The following MEP1A variants were observed in gnomAD, a reference collection of about 807,000 sequenced individuals.
The protein encoded by MEP1A is N-benzoyl-L-tyrosyl-P-amino-benzoic acid hydrolase subunit alpha.
Under a neutral mutation model 84.5 loss-of-function variants are expected in MEP1A, and 68 were observed. That is an observed-to-expected ratio of 0.80 (90% CI 0.66 to 0.98). The LOEUF (loss-of-function observed/expected upper bound fraction) is 0.98, where lower values mean the gene tolerates loss of function less well. Ranked by LOEUF, MEP1A falls within the 50% of genes least tolerant of loss-of-function variation. The probability of loss-of-function intolerance (pLI) is 0.00; values close to 1 mark genes in which losing one functional copy is unlikely to be tolerated. For synonymous variants in MEP1A, 337 were observed against 336.8 expected, an observed-to-expected ratio of 1.00 and a Z score of -0.01; for missense variants, 887 against 919.9, an observed-to-expected ratio of 0.96 and a Z score of 0.46.
intron 6 of MEP1A, among the ~76,000 whole-genome samples, chr6:46,811,044 A>G (rs558224050): frequency 5.3e-5 from 8 of 152,164 alleles, no homozygotes; most frequent in African/African-American, 1.7e-4. Context: ...TAGAATTTGT[A>G]GATTGCTTTT....
intron 10 of MEP1A, among the ~76,000 whole-genome samples, chr6:46,830,039 G>A (rs185169856): frequency 2.0e-5 from 3 of 152,096 alleles, no homozygotes; most frequent in East Asian, 3.9e-4. Flanking sequence ...CACAAGGTCA[G>A]GAGATTGAGA....
chr6:46,833,015 T>A (rs1185843112), intron 10 of MEP1A, 59 bp from the exon 11 acceptor site: 4 of 966,896 alleles, frequency 4.1e-6, no homozygotes, highest in Middle Eastern at 6.8e-4. Flanking sequence ...GCCAAACTCA[T>A]AATAAGTACT....
chr6:46,845,657 G>T, the MEP1A span, among the ~76,000 whole-genome samples: 1 of 152,132 alleles, frequency 6.6e-6, no homozygotes, highest in Non-Finnish European at 1.5e-5. Flanking sequence ...TGGGTCTGTG[G>T]ACCTCATAAA....
Position 46,793,732 on chromosome 6 carries a change from G to A in MEP1A, c.145+16G>A. The A allele has an allele frequency of 6.3e-7, 1 of 1,587,250 alleles. No individual in the cohort carries two copies. Among genetic ancestry groups the A allele is most frequent in the Non-Finnish European group, 8.6e-7 (1 of 1,157,550 alleles). On this transcript the variant is annotated intron_variant, in intron 3 of 13. Transcript: ENST00000230588. ...ATCAATTTAGGTGAGTTCAATTTTT[G>A]TGTTATTAAAGTCTTGAAATTACTT...
At chr6:46,808,217 T>C (rs2150744400) in intron 5 of MEP1A, among the ~76,000 whole-genome samples, 1 of 152,116 alleles carries the variant, frequency 6.6e-6, no homozygotes, top group Non-Finnish European at 1.5e-5. Flanking sequence ...TGTAACTAAG[T>C]AAGAATAGGT....
chr6:46,793,412 G>C lies in MEP1A; in HGVS notation c.14G>C (p.Arg5Thr). The change falls in exon 1 of 14, where the codon AGA becomes ACA. Residue 5 changes from arginine to threonine, a missense_variant. By Grantham distance (71) the Arg-to-Thr change is moderately conservative (BLOSUM62 -1). Coordinates refer to ENST00000230588, the MANE Select transcript of MEP1A (RefSeq NM_005588.3). ...TCACTTGCAGCAATGGCTTGGATTA[G>C]ATCCACTTGCATTCTCTTTTTTACC... MAWI[R>T]STCILFFTLL... The C allele has an allele frequency of 6.3e-7, 1 of 1,594,696 alleles. No homozygotes were observed. The highest frequency in any genetic ancestry group is 8.5e-7 in the Non-Finnish European group (1 of 1,174,638).
chr6:46,798,988 C>T (rs1767130569), intron 4 of MEP1A, 118 bp from the exon 5 acceptor site: 2 of 694,250 alleles, frequency 2.9e-6, no homozygotes, highest in South Asian at 3.5e-5. Flanking sequence ...GACAAATTGC[C>T]ACTAAACTGT....
chr6:46,825,119 A>G (rs1767906466), intron 7 of MEP1A, among the ~76,000 whole-genome samples, 153 bp from the exon 8 acceptor site: 1 of 142,618 alleles, frequency 7.0e-6, no homozygotes, highest in Non-Finnish European at 1.5e-5. Flanking sequence ...CTATTTAAAT[A>G]TTTATAAATT....
chr6:46,814,699 T>C (rs1453084453), intron 6 of MEP1A, among the ~76,000 whole-genome samples: 1 of 152,190 alleles, frequency 6.6e-6, no homozygotes, highest in Non-Finnish European at 1.5e-5. Context: ...AGATCTGGAA[T>C]TCAAGGGCTG....
At chr6:46,833,601 C>T (rs1160470303) in intron 11 of MEP1A, 63 bp downstream of exon 11, 3 of 1,204,586 alleles carry the variant, frequency 2.5e-6, no homozygotes, top group African/African-American at 3.0e-5. Context: ...AGATGTGATT[C>T]TGTGGTGCAA....
At position 46,825,367 on chromosome 6, in the gene MEP1A, T is replaced by G. The variant is rs1414505953; in HGVS notation, c.652T>G (p.Ser218Ala). ...YESLMHYQPF[S>A]FNKNASVPTI... Reference sequence around the variant, plus strand: ...GTCTTTGATGCACTACCAGCCTTTCTCATTTAACAAGAATGCAAGTGTTCC... The same window carrying G: ...GTCTTTGATGCACTACCAGCCTTTCGCATTTAACAAGAATGCAAGTGTTCC... The change falls in exon 8 of 14, where the codon TCA (serine) becomes GCA (alanine). Residue 218 changes from serine (S) to alanine (A), a missense_variant. Ser to Ala is a moderately conservative substitution (Grantham distance 99). Coordinates refer to ENST00000230588, the MANE Select transcript of MEP1A (RefSeq NM_005588.3). 6.2e-7 allele frequency: 1 copy of G among 1,613,400 alleles called. No individual in the cohort carries two copies. The highest frequency in any genetic ancestry group is 1.3e-5 in the African/African-American group (1 of 74,866).
intron 6 of MEP1A, among the ~76,000 whole-genome samples, chr6:46,814,429 C>T (rs573574382): frequency 6.6e-6 from 1 of 152,122 alleles, no homozygotes; most frequent in East Asian, 1.9e-4. Flanking sequence ...ATCTATTTCA[C>T]TGAAGATTTT....
chr6:46,800,548 A>G (rs750681665), intron 5 of MEP1A, among the ~76,000 whole-genome samples: 1 of 152,194 alleles, frequency 6.6e-6, no homozygotes, highest in Non-Finnish European at 1.5e-5. Flanking sequence ...AGATAAAGGT[A>G]TTAAGGATAC....
chr6:46,824,524 T>C (rs1445421674), intron 7 of MEP1A, among the ~76,000 whole-genome samples: 1 of 143,248 alleles, frequency 7.0e-6, no homozygotes, highest in Non-Finnish European at 1.5e-5. Flanking sequence ...TTTAAATATA[T>C]ATAAATTATC....
intron 3 of MEP1A, among the ~76,000 whole-genome samples, chr6:46,797,774 TTCTTTCTTTCTTTCTTTC>T (rs1174283565): frequency 2.8e-5 from 4 of 140,710 alleles, no homozygotes; most frequent in African/African-American, 1.1e-4. Flanking sequence ...TTCTTTCTTT[TTCTTTCTTTCTTTCTTTC>T]TCTTTCTTTC....
downstream of MEP1A, among the ~76,000 whole-genome samples, chr6:46,844,361 G>C (rs1490824335): frequency 6.6e-6 from 1 of 152,060 alleles, no homozygotes; most frequent in Non-Finnish European, 1.5e-5. Context: ...ATGTGTGTAA[G>C]AGTTGCAGCT....
chr6:46,812,266 T>A (rs1311531275), intron 6 of MEP1A, among the ~76,000 whole-genome samples: 1 of 152,116 alleles, frequency 6.6e-6, no homozygotes, highest in African/African-American at 2.4e-5. Flanking sequence ...CATAAAGGTG[T>A]TCAAAGTAGC....
chr6:46,833,243 C>A lies in MEP1A; in HGVS notation c.1314C>A (p.Val438=). 2 of 1,614,170 alleles carry A rather than the reference C, an allele frequency of 1.2e-6. No homozygotes were observed. The highest frequency in any genetic ancestry group is 1.7e-6 in the Non-Finnish European group (2 of 1,180,022). Residue 438 remains valine (V), a synonymous_variant, in exon 11 of 14, where the codon GTC becomes GTA. Transcript: ENST00000230588. ...ETPCPTGVWT[V]RNFSQVLENT... is the part of the protein sequence containing the mutation. ...CCTGCCCCACAGGGGTCTGGACAGT[C>A]CGGAATTTCTCCCAAGTCCTTGAGA... is the stretch of plus-strand genomic sequence containing the variant.
Position 46,839,419 on chromosome 6 carries a change from T to C in MEP1A, c.*283T>C, listed in dbSNP as rs1205528271. The stretch of plus-strand genomic sequence containing the variant: ...TCTTTCCTATAGACTGTAAGCTCCA[T>C]GAGGGCAGGCACATGTTGTTCTCAT... On this transcript the variant is annotated 3_prime_UTR_variant, in exon 14 of 14. Coordinates refer to ENST00000230588, the MANE Select transcript of MEP1A (RefSeq NM_005588.3). 1.3e-5 allele frequency: 3 copies of C among 230,506 alleles called. No homozygotes were observed. The highest frequency in any genetic ancestry group is 2.5e-5 in the Non-Finnish European group (3 of 118,636). 14.3% of individuals were successfully genotyped at this position (230,506 alleles called of 1,614,324 possible).
Sources: gnomAD v4.1 joint callset for allele counts (sites outside exome capture counted in the v4.1 genomes callset) on GRCh38, gnomAD v4.1.1 for gene constraint, MANE v1.5 for transcripts, NCBI Gene and HGNC (gene_info 2026-07-23, HGNC 2026-07-21) for gene names.